Variants in GPC4 observed in about 807,000 individuals in gnomAD.
GPC4 encodes the protein glypican 4.
In GPC4, 10 loss-of-function variants were observed where a neutral mutation model predicts 35.0. The observed-to-expected ratio is 0.29, with a 90% confidence interval of 0.18 to 0.48. The LOEUF (loss-of-function observed/expected upper bound fraction) is 0.48. Among genes scored for constraint, GPC4 ranks in the 20% least tolerant of loss-of-function variants. The probability of loss-of-function intolerance (pLI) is 0.99; values close to 1 mark genes in which losing one functional copy is unlikely to be tolerated. For missense variants in GPC4, 322 were observed against 451.3 expected (o/e 0.71, Z 2.60); for synonymous variants, 167 against 170.2 (o/e 0.98, Z 0.15).
At chrX:133,354,621 T>G (rs1317641265) in intron 1 of GPC4, among the ~76,000 whole-genome samples, 4 of 106,453 alleles carry the variant, frequency 3.8e-5, no homozygotes, top group African/African-American at 1.4e-4. Flanking sequence ...GACTGCGGAC[T>G]GCAGTGGCGC....
intron 2 of GPC4, among the ~76,000 whole-genome samples, chrX:133,329,579 G>GAATGGGGA (rs1371022084): frequency 9.0e-6 from 1 of 111,219 alleles, no homozygotes; most frequent in Admixed American, 9.6e-5. Context: ...GAAAAATAGG[G>GAATGGGGA]AATGGGGAAA....
chrX:133,340,404 C>G (rs544200574), intron 1 of GPC4, among the ~76,000 whole-genome samples: 4 of 111,922 alleles, frequency 3.6e-5, no homozygotes, highest in African/African-American at 1.3e-4. Flanking sequence ...CAAGGATTGA[C>G]TCTCACTGTT....
At chrX:133,372,258 G>A (rs1352671460) in intron 1 of GPC4, among the ~76,000 whole-genome samples, 1 of 105,317 alleles carries the variant, frequency 9.5e-6, no homozygotes, top group African/African-American at 3.4e-5. Flanking sequence ...AGAGGTTATA[G>A]GAAACCCCAT....
At chrX:133,369,359 A>G (rs931055921) in intron 1 of GPC4, among the ~76,000 whole-genome samples, 4 of 111,908 alleles carry the variant, frequency 3.6e-5, no homozygotes, top group Non-Finnish European at 7.5e-5. Context: ...CCCCAGAACA[A>G]TTGTCGCTCA....
rs754897480 is a variant in GPC4 at position 133,365,303 on chromosome X, G to A, written c.161-25962C>T. On this transcript the variant is annotated intron_variant, in intron 1 of 8. Coordinates refer to ENST00000370828, the MANE Select transcript of GPC4 (RefSeq NM_001448.3). ...CGTTCACCACTACAGTGTTTGCTTT[G>A]CCTCGACCTTCACCAACTTTCTTTT... Among the ~76,000 whole-genome samples, 31 of 111,365 alleles carry A rather than the reference G, an allele frequency of 2.8e-4. 1 individual carries two copies. In the South Asian group the frequency reaches 0.011, roughly 39 times the overall value.
chrX:133,374,000 G>C (rs1240075637), intron 1 of GPC4, among the ~76,000 whole-genome samples: 1 of 110,793 alleles, frequency 9.0e-6, no homozygotes, highest in East Asian at 2.8e-4. Flanking sequence ...CAGTTAATTT[G>C]GGGGGGTGAT....
intron 2 of GPC4, among the ~76,000 whole-genome samples, chrX:133,333,283 A>T (rs1312359057): frequency 8.9e-6 from 1 of 112,733 alleles, no homozygotes; most frequent in African/African-American, 3.2e-5. Flanking sequence ...CTATGTATTT[A>T]CTTCCCTCCA....
rs770224252 is a variant in GPC4, at chrX:133,397,599, C to A, written c.160+17207G>T. Among the ~76,000 whole-genome samples the A allele has an allele frequency of 3.6e-5, 4 of 110,566 alleles. No homozygotes were observed. In the South Asian group the frequency reaches 1.2e-3, roughly 32 times the overall value. On this transcript the variant is annotated intron_variant, in intron 1 of 8. Transcript: ENST00000370828. ...AATAAAAATAAAGCAGAGACAATCACATACCCATAAACTTAAAGCTAAGTT... is the reference window on the plus strand; with the variant it reads ...AATAAAAATAAAGCAGAGACAATCAAATACCCATAAACTTAAAGCTAAGTT...
At chrX:133,365,975 T>C (rs1448188064) in intron 1 of GPC4, among the ~76,000 whole-genome samples, 1 of 112,058 alleles carries the variant, frequency 8.9e-6, no homozygotes, top group Non-Finnish European at 1.9e-5. Context: ...GACTGGATAA[T>C]GAAATGTTAA....
intron 1 of GPC4, among the ~76,000 whole-genome samples, chrX:133,363,183 T>A (rs1017134837): frequency 1.8e-5 from 2 of 111,520 alleles, no homozygotes; most frequent in Non-Finnish European, 3.8e-5. Flanking sequence ...TTATTTTTAG[T>A]GCTTTTGTTT....
chrX:133,411,863 T>C (rs939509472), intron 1 of GPC4, among the ~76,000 whole-genome samples: 12 of 111,245 alleles, frequency 1.1e-4, no homozygotes, highest in African/African-American at 3.9e-4. Flanking sequence ...AGGACCTCAG[T>C]TGGAAGCCCT....
chrX:133,375,234 G>C (rs918716438), intron 1 of GPC4, among the ~76,000 whole-genome samples: 2 of 111,541 alleles, frequency 1.8e-5, no homozygotes, highest in Non-Finnish European at 3.8e-5. Context: ...ATAGCTTTTT[G>C]ATCTGTTAAT....
At chrX:133,334,248 G>A (rs2068432823) in intron 2 of GPC4, among the ~76,000 whole-genome samples, 1 of 112,031 alleles carries the variant, frequency 8.9e-6, no homozygotes, top group Non-Finnish European at 1.9e-5. Context: ...TGCTAAGTCT[G>A]AAGAGTGCTT....
chrX:133,303,630 T>A (rs1238819951), intron 7 of GPC4, among the ~76,000 whole-genome samples: 2 of 110,748 alleles, frequency 1.8e-5, no homozygotes, highest in African/African-American at 6.6e-5. Flanking sequence ...GGTGGGTGGA[T>A]CACTTGAGGT....
chrX:133,383,955 A>G (rs1325492164), intron 1 of GPC4, among the ~76,000 whole-genome samples: 1 of 111,929 alleles, frequency 8.9e-6, no homozygotes, highest in East Asian at 2.8e-4. Flanking sequence ...GGGAATGGTA[A>G]TCACGGGGGA....
chrX:133,382,111 A>G (rs1455516208), intron 1 of GPC4, among the ~76,000 whole-genome samples: 2 of 112,160 alleles, frequency 1.8e-5, no homozygotes, highest in African/African-American at 6.5e-5. Context: ...TTAAGATCAT[A>G]AGAAAACAAC....
At chrX:133,318,567 T>C (rs2068349729) in intron 3 of GPC4, among the ~76,000 whole-genome samples, 1 of 111,513 alleles carries the variant, frequency 9.0e-6, no homozygotes, top group African/African-American at 3.3e-5. Flanking sequence ...TAGTTTGGGG[T>C]GGGGTGTAGG....
intron 1 of GPC4, among the ~76,000 whole-genome samples, chrX:133,366,398 G>A (rs752668829): frequency 3.1e-4 from 35 of 111,893 alleles, no homozygotes; most frequent in African/African-American, 1.1e-3. Flanking sequence ...ACAAAAGGTT[G>A]GGCTCCACTA....
intron 7 of GPC4, among the ~76,000 whole-genome samples, chrX:133,303,959 T>TGAAGGA (rs1258020623): frequency 3.2e-5 from 2 of 61,729 alleles, no homozygotes; most frequent in Non-Finnish European, 5.8e-5. Context: ...GGAAGGAAGC[T>TGAAGGA]AGCTATCCCT....
Sources: allele counts gnomAD v4.1 joint callset (sites outside exome capture counted in the v4.1 genomes callset), GRCh38; gene constraint gnomAD v4.1.1; transcripts MANE v1.5; gene names NCBI Gene and HGNC (gene_info 2026-07-23, HGNC 2026-07-21).